Variants in INPP4B observed in about 807,000 individuals in gnomAD.
INPP4B encodes inositol polyphosphate 4-phosphatase type II.
INPP4B carries 55 observed loss-of-function variants against 122.5 expected under a neutral mutation model. The observed-to-expected ratio is 0.45, with a 90% confidence interval of 0.36 to 0.56. The LOEUF (loss-of-function observed/expected upper bound fraction) is 0.56, where lower values mean the gene tolerates loss of function less well. Among genes scored for constraint, INPP4B ranks in the 20% least tolerant of loss-of-function variants. The probability of loss-of-function intolerance (pLI) is 0.00; values close to 1 mark genes in which losing one functional copy is unlikely to be tolerated. For missense variants in INPP4B, 1,000 were observed against 1,097.7 expected (o/e 0.91, Z 1.26); for synonymous variants, 403 against 388.7 (o/e 1.04, Z -0.43).
chr4:142,068,248 G>A (rs1311672578), intron 25 of INPP4B, among the ~76,000 whole-genome samples: 2 of 152,100 alleles, frequency 1.3e-5, no homozygotes, highest in African/African-American at 4.8e-5. Context: ...ATAAGTGAAG[G>A]AGAAATAAAA....
At chr4:142,526,249 TAAAA>T (rs1196502118) in intron 2 of INPP4B, among the ~76,000 whole-genome samples, 1 of 151,998 alleles carries the variant, frequency 6.6e-6, no homozygotes, top group East Asian at 1.9e-4. Context: ...CCTTTTATCT[TAAAA>T]ACAAATTTCA....
At chr4:142,539,192 T>A (rs899477118) in intron 2 of INPP4B, among the ~76,000 whole-genome samples, 11 of 151,340 alleles carry the variant, frequency 7.3e-5, no homozygotes, top group Admixed American at 6.6e-4. Flanking sequence ...TACCTGAGTG[T>A]CTGAGAAAGT....
rs145348196 is a variant in INPP4B at position 142,402,849 on chromosome 4, T to C, written c.372+89A>G. ...AATCATGAACACGGTGCAAATATCC[T>C]CTTTGAAAAATGTCAGTTACACAAA... On this transcript the variant is annotated intron_variant, in intron 7 of 25. Transcript: ENST00000262992. 5.9e-4 allele frequency: 452 copies of C among 770,058 alleles called. 1 individual carries two copies. Among genetic ancestry groups the C allele is most frequent in the Non-Finnish European group, 9.5e-4 (403 of 423,540 alleles). The allele number at this position is 770,058 out of a possible 1,614,324, so 47.7% of individuals were successfully genotyped here. A position where few individuals can be genotyped will look rare whatever the true frequency, so the allele number is the denominator to read the frequency against.
intron 12 of INPP4B, among the ~76,000 whole-genome samples, chr4:142,209,381 T>C (rs146064190): frequency 0.016 from 2,422 of 152,240 alleles, 40 homozygotes; most frequent in Middle Eastern, 0.031. Flanking sequence ...AGTTTTTAAG[T>C]TTCAACTGTA....
chr4:142,385,746 AT>A (rs919877205), intron 7 of INPP4B, among the ~76,000 whole-genome samples: 2 of 152,136 alleles, frequency 1.3e-5, no homozygotes, highest in Admixed American at 6.6e-5. Context: ...TTACTTGTGT[AT>A]TTTTTTATTT....
intron 2 of INPP4B, among the ~76,000 whole-genome samples, chr4:142,637,322 G>A (rs1053038009): frequency 3.3e-5 from 5 of 151,706 alleles, no homozygotes; most frequent in South Asian, 2.1e-4. Flanking sequence ...ATTGCCCCCC[G>A]CAAAAAAATT....
rs554465637 is a variant in INPP4B at position 142,246,463 on chromosome 4, T to G, written c.689-8452A>C. ...TTTTTCCATTTGTTTGTGTCCTTTC[T>G]TATTTCCTTCAGCAGTGGTTTGTAG... On this transcript the variant is annotated intron_variant, in intron 11 of 25. Coordinates refer to ENST00000262992, the MANE Select transcript of INPP4B (RefSeq NM_001101669.3). Among the ~76,000 whole-genome samples the G allele has an allele frequency of 5.3e-5, 8 of 152,316 alleles. No homozygotes were observed. The South Asian group carries it at 1.7e-3, about 32-fold the overall frequency.
intron 1 of INPP4B, among the ~76,000 whole-genome samples, chr4:142,826,048 G>A (rs771969989): frequency 5.9e-5 from 9 of 151,826 alleles, no homozygotes; most frequent in South Asian, 2.1e-4. Context: ...TTGTGTTGTC[G>A]CATCGCCATT....
chr4:142,513,413 C>CTT (rs200942087), intron 2 of INPP4B, among the ~76,000 whole-genome samples: 1 of 146,710 alleles, frequency 6.8e-6, no homozygotes, highest in African/African-American at 2.5e-5. Context: ...GGGTCTCTCT[C>CTT]TTTTTTTTTT....
At chr4:142,366,224 C>T (rs990326575) in intron 7 of INPP4B, among the ~76,000 whole-genome samples, 1 of 152,102 alleles carries the variant, frequency 6.6e-6, no homozygotes, top group African/African-American at 2.4e-5. Flanking sequence ...CTAACTCCAC[C>T]GCCTATCCCA....
intron 2 of INPP4B, among the ~76,000 whole-genome samples, chr4:142,471,348 CA>C (rs1391659592): frequency 6.6e-6 from 1 of 152,048 alleles, no homozygotes; most frequent in Non-Finnish European, 1.5e-5. Flanking sequence ...AGTCTAAATG[CA>C]AATACGTCAA....
At chr4:142,786,233 T>A (rs1411111506) in intron 1 of INPP4B, among the ~76,000 whole-genome samples, 2 of 152,074 alleles carry the variant, frequency 1.3e-5, no homozygotes, top group Non-Finnish European at 2.9e-5. Flanking sequence ...TAGAGCCTCT[T>A]GTAGTCCAAG....
At chr4:142,425,106 T>C (rs1010321921) in intron 5 of INPP4B, 20 of 152,064 alleles carry the variant, frequency 1.3e-4, no homozygotes, top group African/African-American at 4.6e-4. Flanking sequence ...AATTATTCTA[T>C]ACATAATACA....
chr4:142,610,366 T>C (rs1742208501), intron 2 of INPP4B, among the ~76,000 whole-genome samples: 1 of 152,192 alleles, frequency 6.6e-6, no homozygotes, highest in Non-Finnish European at 1.5e-5. Context: ...GGCTATGTCT[T>C]TATTAGCAGT....
At chr4:142,774,449 A>T (rs923864030) in intron 1 of INPP4B, among the ~76,000 whole-genome samples, 7 of 151,592 alleles carry the variant, frequency 4.6e-5, no homozygotes, top group Non-Finnish European at 8.8e-5. Flanking sequence ...TCTAAGTTGA[A>T]ATCTGCTCCC....
At position 142,397,792 on chromosome 4, in the gene INPP4B, T is replaced by C. The variant is rs543143404; in HGVS notation, c.372+5146A>G. ...AGGTGGAGGTTGCAGTAAGCCAACA[T>C]TGAGCCACTGCATTCCAGCCTGGTG... On this transcript the variant is annotated intron_variant, in intron 7 of 25. Coordinates refer to ENST00000262992, the MANE Select transcript of INPP4B (RefSeq NM_001101669.3). 5.3e-5 allele frequency among the ~76,000 whole-genome samples: 8 copies of C among 151,992 alleles called. No individual in the cohort carries two copies. In the East Asian group the frequency reaches 5.8e-4, roughly 11 times the overall value.
intron 7 of INPP4B, among the ~76,000 whole-genome samples, chr4:142,375,297 C>T (rs1316066838): frequency 4.0e-5 from 6 of 149,878 alleles, no homozygotes; most frequent in African/African-American, 1.5e-4. Flanking sequence ...TTTTTTCTTA[C>T]TACTCTTAAT....
intron 7 of INPP4B, among the ~76,000 whole-genome samples, chr4:142,377,767 A>C (rs1040725488): frequency 2.6e-5 from 4 of 152,120 alleles, no homozygotes; most frequent in Non-Finnish European, 4.4e-5. Context: ...AGAGTAATTA[A>C]ATACTAAAAT....
At chr4:142,386,707 C>T (rs1796081421) in intron 7 of INPP4B, among the ~76,000 whole-genome samples, 1 of 152,158 alleles carries the variant, frequency 6.6e-6, no homozygotes, top group African/African-American at 2.4e-5. Context: ...AAATCTTTTT[C>T]CACTATGTGG....
Sources: allele counts gnomAD v4.1 joint callset (sites outside exome capture counted in the v4.1 genomes callset), GRCh38; gene constraint gnomAD v4.1.1; transcripts MANE v1.5; gene names NCBI Gene and HGNC (gene_info 2026-07-23, HGNC 2026-07-21).